PTPRD: variants seen among roughly 807,000 people sequenced by gnomAD.
The protein encoded by PTPRD is receptor-type tyrosine-protein phosphatase delta.
PTPRD carries 34 observed loss-of-function variants against 214.5 expected under a neutral mutation model. The observed-to-expected ratio is 0.16, with a 90% CI of 0.12 to 0.21. The LOEUF (loss-of-function observed/expected upper bound fraction) is 0.21, where lower values mean the gene tolerates loss of function less well. Among genes scored for constraint, PTPRD ranks in the 10% least tolerant of loss-of-function variants. PTPRD has a pLI of 1.00. For synonymous variants in PTPRD, 1,128 were observed against 845.7 expected, an observed-to-expected ratio of 1.33 and a Z score of -5.79; for missense variants, 2,545 against 2,398.7, an observed-to-expected ratio of 1.06 and a Z score of -1.27.
chr9:9,884,201 C>G (rs1234866761), intron 5 of PTPRD, among the ~76,000 whole-genome samples: 1 of 152,064 alleles, frequency 6.6e-6, no homozygotes, highest in African/African-American at 2.4e-5. Context: ...TGACTATGGA[C>G]TGTGTTCAGG....
At chr9:10,275,832 G>T (rs2094653019) in intron 3 of PTPRD, among the ~76,000 whole-genome samples, 1 of 152,134 alleles carries the variant, frequency 6.6e-6, no homozygotes, top group Non-Finnish European at 1.5e-5. Flanking sequence ...CATTTGTGAT[G>T]CCCCAAGTGG....
intron 37 of PTPRD, among the ~76,000 whole-genome samples, chr9:8,382,455 A>C (rs1403621882): frequency 6.6e-6 from 1 of 152,206 alleles, no homozygotes; most frequent in Non-Finnish European, 1.5e-5. Context: ...TACTCAGGTC[A>C]TCAGGACTCT....
At chr9:8,594,375 A>T (rs2094340986) in intron 14 of PTPRD, among the ~76,000 whole-genome samples, 1 of 152,210 alleles carries the variant, frequency 6.6e-6, no homozygotes. Context: ...TCTCCTAAGA[A>T]TCTGTAATCA....
chr9:9,933,618 C>T (rs1415510192), intron 5 of PTPRD, among the ~76,000 whole-genome samples: 2 of 150,510 alleles, frequency 1.3e-5, no homozygotes, highest in Non-Finnish European at 2.9e-5. Context: ...GACTCCCACA[C>T]ATTAATAATG....
intron 14 of PTPRD, among the ~76,000 whole-genome samples, chr9:8,624,657 A>G (rs550759896): frequency 6.6e-6 from 1 of 151,978 alleles, no homozygotes; most frequent in African/African-American, 2.4e-5. Context: ...ACAGCCCTAA[A>G]AGATAGCCAG....
intron 9 of PTPRD, among the ~76,000 whole-genome samples, chr9:9,246,530 T>C (rs2131330224): frequency 6.6e-6 from 1 of 152,218 alleles, no homozygotes; most frequent in South Asian, 2.1e-4. Flanking sequence ...AGCTCAAATC[T>C]AGAAATCTTC....
At chr9:10,031,667 T>TAC (rs1228215422) in intron 4 of PTPRD, among the ~76,000 whole-genome samples, 21 of 93,374 alleles carry the variant, frequency 2.2e-4, no homozygotes, top group Middle Eastern at 4.4e-3. Flanking sequence ...CACACACACA[T>TAC]ACACACACAC....
intron 4 of PTPRD, among the ~76,000 whole-genome samples, chr9:9,960,092 C>T (rs775403251): frequency 2.0e-5 from 3 of 151,736 alleles, no homozygotes; most frequent in Non-Finnish European, 2.9e-5. Context: ...CTTAAATAAA[C>T]GACTGACTCT....
chr9:10,437,562 G>A (rs374320423), intron 2 of PTPRD, among the ~76,000 whole-genome samples: 3 of 151,664 alleles, frequency 2.0e-5, no homozygotes, highest in African/African-American at 7.3e-5. Flanking sequence ...TTCAAACTTT[G>A]AGATACTATT....
intron 8 of PTPRD, among the ~76,000 whole-genome samples, chr9:9,540,956 T>A (rs1375470621): frequency 3.3e-5 from 5 of 151,722 alleles, no homozygotes; most frequent in Admixed American, 1.3e-4. Context: ...GATTTCTTTT[T>A]TATTTTTAAC....
chr9:9,885,814 C>A (rs2890890), intron 5 of PTPRD, among the ~76,000 whole-genome samples: 1 of 151,538 alleles, frequency 6.6e-6, no homozygotes, highest in Non-Finnish European at 1.5e-5. Flanking sequence ...ATTTTGTATG[C>A]TTTGTGCCTG....
At chr9:8,788,280 T>TGA in intron 11 of PTPRD, among the ~76,000 whole-genome samples, 1 of 115,272 alleles carries the variant, frequency 8.7e-6, no homozygotes. Flanking sequence ...TTTTTTTTTG[T>TGA]GTGTGTGTGT....
At chr9:8,668,234 T>A (rs770999729) in intron 12 of PTPRD, among the ~76,000 whole-genome samples, 1 of 152,214 alleles carries the variant, frequency 6.6e-6, no homozygotes, top group African/African-American at 2.4e-5. Flanking sequence ...GAAAGCCACA[T>A]GCTCATTTAT....
intron 2 of PTPRD, among the ~76,000 whole-genome samples, chr9:10,523,002 CA>C (rs986600114): frequency 4.6e-5 from 7 of 151,964 alleles, no homozygotes; most frequent in African/African-American, 1.7e-4. Flanking sequence ...TACTAGTTTA[CA>C]ATCAATTTTT....
intron 2 of PTPRD, among the ~76,000 whole-genome samples, chr9:10,532,625 A>G (rs182955586): frequency 7.2e-4 from 106 of 147,622 alleles, no homozygotes; most frequent in African/African-American, 2.4e-3. Context: ...TTAGATATTT[A>G]TATATATTAG....
rs573932554 is a variant in PTPRD, at chr9:8,713,317, G to T, written c.64+20463C>A. On this transcript the variant is annotated intron_variant, in intron 12 of 45. Transcript: ENST00000381196. ...CGAGCGCGGAGAGGACGCCATGAAG[G>T]CCTCGGGCACACTAAGAGAGTACAA... 55 of 789,538 alleles carry T rather than the reference G, an allele frequency of 7.0e-5. No homozygotes were observed. The African/African-American group carries it at 7.8e-4, about 11-fold the overall frequency. 48.9% of individuals were successfully genotyped at this position (789,538 alleles called of 1,614,324 possible).
chr9:8,655,594 A>T (rs560964208), intron 12 of PTPRD, among the ~76,000 whole-genome samples: 2 of 152,306 alleles, frequency 1.3e-5, no homozygotes, highest in East Asian at 3.9e-4. Context: ...TTTAAACATA[A>T]AGCTTTGAAA....
At position 8,912,787 on chromosome 9, in the gene PTPRD, A is replaced by G. The variant is rs186020827; in HGVS notation, c.-104+105910T>C. 4.9e-3 allele frequency among the ~76,000 whole-genome samples: 748 copies of G among 152,244 alleles called. 4 individuals carry two copies. The highest frequency in any genetic ancestry group is 0.017 in the African/African-American group (716 of 41,558). ...TGTGGAGCTAAATTATCTGAGTTGA[A>G]CTTTTGGCTTGTTGAATTTCTGTAG... On this transcript the variant is annotated intron_variant, in intron 11 of 45. Coordinates refer to ENST00000381196, the MANE Select transcript of PTPRD (RefSeq NM_002839.4).
At chr9:9,634,881 T>C (rs995545557) in intron 7 of PTPRD, among the ~76,000 whole-genome samples, 16 of 152,196 alleles carry the variant, frequency 1.1e-4, no homozygotes, top group African/African-American at 3.9e-4. Flanking sequence ...TTGTGCTATT[T>C]TGAATGTTAG....
Sources: gnomAD v4.1 joint callset for allele counts (sites outside exome capture counted in the v4.1 genomes callset) on GRCh38, gnomAD v4.1.1 for gene constraint, MANE v1.5 for transcripts, NCBI Gene and HGNC (gene_info 2026-07-23, HGNC 2026-07-21) for gene names.